The following SYNE1 variants were observed in gnomAD, a reference collection of about 807,000 sequenced individuals.
The protein encoded by SYNE1 is spectrin repeat containing nuclear envelope protein 1.
In SYNE1, 616 loss-of-function variants were observed where a neutral mutation model predicts 1,111.0. The observed-to-expected ratio is 0.55, with a 90% CI of 0.52 to 0.59. The LOEUF (loss-of-function observed/expected upper bound fraction) is 0.59, where lower values mean the gene tolerates loss of function less well. SYNE1 is among the 20% of genes least tolerant of loss of function. The pLI, the probability that SYNE1 is intolerant of heterozygous loss-of-function variation, is 0.00. For synonymous variants in SYNE1, 3,855 were observed against 3,825.8 expected, an observed-to-expected ratio of 1.01 and a Z score of -0.28; for missense variants, 10,006 against 10,417.0, an observed-to-expected ratio of 0.96 and a Z score of 1.72.
At chr6:152,210,599 T>C (rs960448155) in intron 124 of SYNE1, among the ~76,000 whole-genome samples, 2 of 152,098 alleles carry the variant, frequency 1.3e-5, no homozygotes, top group African/African-American at 4.8e-5. Context: ...AAACTCTCAA[T>C]AAAAATAATT....
At chr6:152,569,585 A>G (rs543108709) in intron 3 of SYNE1, among the ~76,000 whole-genome samples, 241 of 152,296 alleles carry the variant, frequency 1.6e-3, no homozygotes, top group Non-Finnish European at 2.8e-3. Context: ...TGACAACTAG[A>G]TTTGCATATC....
At chr6:152,410,026 C>T (rs1050166471) in intron 42 of SYNE1, among the ~76,000 whole-genome samples, 46 of 152,254 alleles carry the variant, frequency 3.0e-4, no homozygotes, top group African/African-American at 1.1e-3. Context: ...GATGAGTCAT[C>T]CAAATATATA....
intron 3 of SYNE1, among the ~76,000 whole-genome samples, chr6:152,543,003 G>A (rs2099279091): frequency 1.3e-5 from 2 of 151,898 alleles, no homozygotes; most frequent in South Asian, 2.1e-4. Flanking sequence ...GGCATAATAT[G>A]TTAATGTTAT....
chr6:152,480,767 A>T (rs1167612218), intron 14 of SYNE1: 3 of 455,888 alleles, frequency 6.6e-6, no homozygotes, highest in South Asian at 3.1e-5. Flanking sequence ...TCTTTATTAC[A>T]TTCCTTAGTT....
chr6:152,372,895 A>T, intron 59 of SYNE1, 142 bp downstream of exon 59: 1 of 874,708 alleles, frequency 1.1e-6, no homozygotes, highest in Non-Finnish European at 1.9e-6. Context: ...CCTTACTGTT[A>T]GCCCATTGTC....
chr6:152,412,878 G>A (rs1207600659), intron 42 of SYNE1, among the ~76,000 whole-genome samples: 1 of 132,930 alleles, frequency 7.5e-6, no homozygotes, highest in Non-Finnish European at 1.6e-5. Flanking sequence ...GTGAGAAGGA[G>A]TCTTGCTCTG....
At chr6:152,277,264 CTTTTTTTT>C (rs747947368) in intron 98 of SYNE1, among the ~76,000 whole-genome samples, 36 of 82,120 alleles carry the variant, frequency 4.4e-4, no homozygotes, top group Non-Finnish European at 6.1e-4. Context: ...TTTTCTTTTT[CTTTTTTTT>C]TTTTTTTTTT....
At chr6:152,171,852 TA>T (rs2065290183) in intron 130 of SYNE1, among the ~76,000 whole-genome samples, 1 of 152,204 alleles carries the variant, frequency 6.6e-6, no homozygotes, top group Non-Finnish European at 1.5e-5. Flanking sequence ...AATAACACGC[TA>T]ATAGCAACAG....
intron 129 of SYNE1, among the ~76,000 whole-genome samples, chr6:152,179,673 CT>C (rs796260764): frequency 1.1e-3 from 58 of 55,074 alleles, no homozygotes; most frequent in South Asian, 1.5e-3. Flanking sequence ...GCTGGATATC[CT>C]TTTTTTTTTT....
In SYNE1 at chr6:152,483,263, A is replaced by G. The variant is rs1388629828; in HGVS notation, c.1186-14T>C. 2 of 1,613,084 alleles carry G rather than the reference A, an allele frequency of 1.2e-6. No individual in the cohort carries two copies. Among genetic ancestry groups the G allele is most frequent in the Non-Finnish European group, 1.7e-6 (2 of 1,179,084 alleles). On this transcript the variant is annotated splice_polypyrimidine_tract_variant and intron_variant, in intron 13 of 145. Coordinates refer to ENST00000367255, the MANE Select transcript of SYNE1 (RefSeq NM_182961.4). ...CCAGTCAAAGAGCTAAAATTTAAAA[A>G]GCAGAAAAGTAAAATATCTTTAATA...
At chr6:152,407,426 T>C (rs2097917249) in intron 44 of SYNE1, among the ~76,000 whole-genome samples, 1 of 152,272 alleles carries the variant, frequency 6.6e-6, no homozygotes, top group Non-Finnish European at 1.5e-5. Context: ...CATTGCATTT[T>C]CATTTGTAAA....
At chr6:152,568,148 C>G (rs2099423024) in intron 3 of SYNE1, among the ~76,000 whole-genome samples, 1 of 151,640 alleles carries the variant, frequency 6.6e-6, no homozygotes, top group Non-Finnish European at 1.5e-5. Context: ...ACATTTTAGG[C>G]CTAAAAATAA....
chr6:152,239,471 T>C, intron 108 of SYNE1, 62 bp downstream of exon 108: 1 of 1,601,622 alleles, frequency 6.2e-7, no homozygotes, highest in East Asian at 2.2e-5. Context: ...ACATCTTGCA[T>C]TAAAGGTCTA....
rs1293346632 is a variant in SYNE1 at position 152,293,735 on chromosome 6, C to T, written c.17865G>A (p.Gln5955=). The change falls in exon 95 of 146, where the codon CAG becomes CAA. Residue 5955 remains glutamine, a synonymous_variant. Coordinates refer to ENST00000367255, the MANE Select transcript of SYNE1 (RefSeq NM_182961.4). ...GTTCCAAAGCTTCATAGAGTGTGCGCTGCTTCTCACTGATCTACACCAGAA... is the reference window on the plus strand; with the variant it reads ...GTTCCAAAGCTTCATAGAGTGTGCGTTGCTTCTCACTGATCTACACCAGAA... ...ETLKNVISEK[Q]RTLYEALERQ... The T allele has an allele frequency of 1.3e-6, 2 of 1,590,070 alleles. No homozygotes were observed. Among genetic ancestry groups the T allele is most frequent in the South Asian group, 2.2e-5 (2 of 90,282 alleles).
intron 74 of SYNE1, among the ~76,000 whole-genome samples, chr6:152,343,103 A>G (rs565112682): frequency 6.6e-6 from 1 of 151,954 alleles, no homozygotes; most frequent in East Asian, 1.9e-4. Context: ...CAGAATAAAT[A>G]TTAGAATTAA....
rs192075866 is a variant in SYNE1, at chr6:152,155,386, C to A, written c.23979-344G>T. The A allele has an allele frequency of 1.5e-5, 5 of 326,256 alleles. No individual in the cohort carries two copies. The South Asian group carries it at 1.6e-4, about 10-fold the overall frequency. The allele number at this position is 326,256 out of a possible 1,614,324, so 20.2% of individuals were successfully genotyped here. On this transcript the variant is annotated intron_variant, in intron 132 of 145. Transcript: ENST00000367255. ...AGTGTGCACTCAGGCCAGTGTCTTACGGAAATAAAGACGAGGTCGGAAAAT... is the reference window on the plus strand; with the variant it reads ...AGTGTGCACTCAGGCCAGTGTCTTAAGGAAATAAAGACGAGGTCGGAAAAT...
chr6:152,176,804 T>C (rs1424730890), intron 129 of SYNE1, among the ~76,000 whole-genome samples: 1 of 152,136 alleles, frequency 6.6e-6, no homozygotes, highest in Non-Finnish European at 1.5e-5. Flanking sequence ...TGCTGCTTCC[T>C]ATTTACTTGA....
chr6:152,605,031 AGAGAGGGAGGGAGGGAGG>A (rs1210737530), intron 3 of SYNE1, among the ~76,000 whole-genome samples: 1 of 56,526 alleles, frequency 1.8e-5, no homozygotes, highest in Admixed American at 2.0e-4. Context: ...AGAGAGAGAG[AGAGAGGGAGGGAGGGAGG>A]GAGGGAGGGA....
In SYNE1 at chr6:152,122,662, C is replaced by A; in HGVS notation, c.26168G>T (p.Gly8723Val). 6.2e-7 allele frequency: 1 copy of A among 1,613,926 alleles called. No individual in the cohort carries two copies. Among genetic ancestry groups the A allele is most frequent in the Non-Finnish European group, 8.5e-7 (1 of 1,179,916 alleles). ...SSPHSRSTKGGSDSSLSEPGP... is the reference protein window; with the variant it reads ...SSPHSRSTKGVSDSSLSEPGP... ...TGGCTCAGAAAGGGAGGAATCGGAG[C>A]CACCTTTTGTGGACCTGAGAGAAGA... The change falls in exon 146 of 146, where the codon GGC becomes GTC. Residue 8723 changes from glycine to valine, a missense_variant. By Grantham distance (109) the Gly-to-Val change is moderately radical (BLOSUM62 -3). Transcript: ENST00000367255.
Sources: gnomAD v4.1 joint callset for allele counts (sites outside exome capture counted in the v4.1 genomes callset) on GRCh38, gnomAD v4.1.1 for gene constraint, MANE v1.5 for transcripts, NCBI Gene and HGNC (gene_info 2026-07-23, HGNC 2026-07-21) for gene names.